TBC1D12: variants seen among roughly 807,000 people sequenced by gnomAD.
TBC1D12 encodes the protein TBC1 domain family, member 12.
TBC1D12 carries 56 observed loss-of-function variants against 86.7 expected under a neutral mutation model. The ratio of observed to expected loss-of-function variants is 0.65; its 90% CI spans 0.52 to 0.81. The LOEUF (loss-of-function observed/expected upper bound fraction) is 0.81, where lower values mean the gene tolerates loss of function less well. Ranked by LOEUF, TBC1D12 falls within the 30% of genes least tolerant of loss-of-function variation. The probability of loss-of-function intolerance (pLI) is 0.00; values close to 1 mark genes in which losing one functional copy is unlikely to be tolerated. For missense variants in TBC1D12, 1,023 were observed against 1,038.8 expected (o/e 0.98, Z 0.21); for synonymous variants, 421 against 411.7 (o/e 1.02, Z -0.27).
intron 1 of TBC1D12, among the ~76,000 whole-genome samples, chr10:94,434,916 C>T (rs1023243325): frequency 1.3e-5 from 2 of 152,152 alleles, no homozygotes; most frequent in African/African-American, 4.8e-5. Context: ...TTAGGCCCCA[C>T]CTCCAAATAC....
intron 1 of TBC1D12, among the ~76,000 whole-genome samples, chr10:94,427,968 C>G (rs2134070809): frequency 6.6e-6 from 1 of 151,278 alleles, no homozygotes; most frequent in South Asian, 2.1e-4. Flanking sequence ...GGACTGTATT[C>G]TGGAAGGATA....
chr10:94,472,360 A>T (rs967481365), intron 2 of TBC1D12, among the ~76,000 whole-genome samples: 1 of 152,242 alleles, frequency 6.6e-6, no homozygotes, highest in Non-Finnish European at 1.5e-5. Flanking sequence ...GACCTTCAGC[A>T]AATGAGTATA....
At chr10:94,450,418 A>C (rs1473626737) in intron 2 of TBC1D12, among the ~76,000 whole-genome samples, 7 of 151,898 alleles carry the variant, frequency 4.6e-5, no homozygotes, top group Non-Finnish European at 7.4e-5. Flanking sequence ...GCCATTCTAG[A>C]TAGAGGAAAT....
chr10:94,460,757 A>G (rs1229632178), intron 2 of TBC1D12, among the ~76,000 whole-genome samples: 1 of 150,914 alleles, frequency 6.6e-6, no homozygotes, highest in Non-Finnish European at 1.5e-5. Flanking sequence ...GTGTTCTTGG[A>G]TATTCTGTAC....
chr10:94,457,043 C>A (rs2055637530), intron 2 of TBC1D12, among the ~76,000 whole-genome samples: 1 of 152,150 alleles, frequency 6.6e-6, no homozygotes, highest in Middle Eastern at 3.2e-3. Context: ...TTTAAAAAAT[C>A]TATATGTGCC....
intron 1 of TBC1D12, among the ~76,000 whole-genome samples, chr10:94,436,588 ATCTT>A (rs2055300652): frequency 1.3e-5 from 2 of 152,146 alleles, no homozygotes; most frequent in Non-Finnish European, 2.9e-5. Context: ...AATGTGAACT[ATCTT>A]TCTATTTAAT....
Position 94,532,982 on chromosome 10 carries a change from G to A in TBC1D12, c.2260-46G>A, listed in dbSNP as rs766498058. 7 of 1,070,656 alleles carry A rather than the reference G, an allele frequency of 6.5e-6. No individual in the cohort carries two copies. The East Asian group carries it at 1.6e-4, about 24-fold the overall frequency. The allele number at this position is 1,070,656 out of a possible 1,614,324, so 66.3% of individuals were successfully genotyped here. A position where few individuals can be genotyped will look rare whatever the true frequency, so the allele number is the denominator to read the frequency against. On this transcript the variant is annotated intron_variant, in intron 12 of 12. Coordinates refer to ENST00000225235, the MANE Select transcript of TBC1D12 (RefSeq NM_015188.2). ...ATAGTTATTTAAATCTCTTTAATCTGGGTGGTAGTTTTTGAGGATTAATCT... is the reference window on the plus strand; with the variant it reads ...ATAGTTATTTAAATCTCTTTAATCTAGGTGGTAGTTTTTGAGGATTAATCT...
intron 11 of TBC1D12, among the ~76,000 whole-genome samples, chr10:94,527,290 A>G (rs1842317034): frequency 6.6e-6 from 1 of 151,814 alleles, no homozygotes; most frequent in Admixed American, 6.6e-5. Flanking sequence ...GGGTCTCACC[A>G]TGTTGGCCAG....
At chr10:94,476,253 T>G (rs1325615616) in intron 3 of TBC1D12, among the ~76,000 whole-genome samples, 1 of 152,196 alleles carries the variant, frequency 6.6e-6, no homozygotes, top group East Asian at 1.9e-4. Context: ...GCATAGAATA[T>G]TTTTTGGACA....
intron 2 of TBC1D12, chr10:94,447,594 A>G (rs564058251): frequency 1.0e-6 from 1 of 983,514 alleles, no homozygotes; most frequent in South Asian, 4.7e-5. Context: ...GAACATTCCT[A>G]GTATTACTTT....
chr10:94,413,730 CTTTTCAGGT>C (rs1457609052), intron 1 of TBC1D12, among the ~76,000 whole-genome samples: 1 of 150,102 alleles, frequency 6.7e-6, no homozygotes, highest in African/African-American at 2.5e-5. Context: ...TTGAATTTGG[CTTTTCAGGT>C]TTTTTTTTTT....
In TBC1D12 at chr10:94,474,865, G is replaced by A. The variant is rs571067861; in HGVS notation, c.1211+82G>A. On this transcript the variant is annotated intron_variant, in intron 3 of 12. Transcript: ENST00000225235. The stretch of plus-strand genomic sequence containing the variant: ...TTTGTTCACTATTTTAAAAGATAGC[G>A]AGAAAGATATTGAGAAAGGATTTAA... 96 of 1,242,944 alleles carry A rather than the reference G, an allele frequency of 7.7e-5. 1 individual carries two copies. In the South Asian group the frequency reaches 1.1e-3, roughly 14 times the overall value. 77.0% of individuals were successfully genotyped at this position (1,242,944 alleles called of 1,614,324 possible). A position where few individuals can be genotyped will look rare whatever the true frequency, so the allele number is the denominator to read the frequency against.
rs745839632 is a variant in TBC1D12 at position 94,531,194 on chromosome 10, A to G, written c.2001-8A>G. 165 of 1,595,614 alleles carry G rather than the reference A, an allele frequency of 1.0e-4. No homozygotes were observed. The highest frequency in any genetic ancestry group is 1.4e-4 in the Non-Finnish European group (160 of 1,169,078). ...AATTTCAGTGACCATTTTTCCCTCT[A>G]ATTTTAGGATCTTCACACTATATAG... is the stretch of plus-strand genomic sequence containing the variant. On this transcript the variant is annotated splice_polypyrimidine_tract_variant and splice_region_variant and intron_variant, in intron 11 of 12. Coordinates refer to ENST00000225235, the MANE Select transcript of TBC1D12 (RefSeq NM_015188.2).
chr10:94,492,200 G>GA (rs1287945567), intron 3 of TBC1D12, among the ~76,000 whole-genome samples: 1 of 152,078 alleles, frequency 6.6e-6, no homozygotes. Flanking sequence ...GTATGTATAG[G>GA]AAAAAACCTG....
chr10:94,442,105 A>G, intron 2 of TBC1D12, 86 bp downstream of exon 2: 1 of 1,312,950 alleles, frequency 7.6e-7, no homozygotes, highest in Non-Finnish European at 1.0e-6. Context: ...TTTTTAAACT[A>G]ACCATATTCT....
At chr10:94,408,431 C>G (rs1183610217) in intron 1 of TBC1D12, among the ~76,000 whole-genome samples, 1 of 152,100 alleles carries the variant, frequency 6.6e-6, no homozygotes, top group East Asian at 1.9e-4. Context: ...AAACTAAAGG[C>G]TCTTTTAGTG....
At chr10:94,404,372 G>A (rs2134040493) in intron 1 of TBC1D12, among the ~76,000 whole-genome samples, 1 of 152,236 alleles carries the variant, frequency 6.6e-6, no homozygotes, top group Admixed American at 6.5e-5. Flanking sequence ...TGGGCCGGGC[G>A]CGGTGGCTCA....
At chr10:94,518,554 A>G (rs764209129) in intron 9 of TBC1D12, among the ~76,000 whole-genome samples, 1 of 152,086 alleles carries the variant, frequency 6.6e-6, no homozygotes, top group Non-Finnish European at 1.5e-5. Flanking sequence ...GAATTTGATT[A>G]TTTTTTCATG....
chr10:94,488,803 C>A (rs1010199111), intron 3 of TBC1D12, among the ~76,000 whole-genome samples: 8 of 152,046 alleles, frequency 5.3e-5, no homozygotes, highest in Non-Finnish European at 1.2e-4. Context: ...CATCCAGGAG[C>A]TAGGACCTGA....
Sources: gnomAD v4.1 joint callset for allele counts (sites outside exome capture counted in the v4.1 genomes callset) on GRCh38, gnomAD v4.1.1 for gene constraint, MANE v1.5 for transcripts, NCBI Gene and HGNC (gene_info 2026-07-23, HGNC 2026-07-21) for gene names.